Variants in CPNE8 observed in about 807,000 individuals in gnomAD.
CPNE8 encodes the protein copine-8.
In CPNE8, 45 loss-of-function variants were observed where a neutral mutation model predicts 81.5. The observed-to-expected ratio is 0.55, with a 90% CI of 0.44 to 0.71. The LOEUF (loss-of-function observed/expected upper bound fraction) is 0.71. CPNE8 is among the 30% of genes least tolerant of loss of function. The pLI is 0.00. For missense variants in CPNE8, 594 were observed against 672.1 expected, an observed-to-expected ratio of 0.88 and a Z score of 1.28; for synonymous variants, 252 against 226.3, an observed-to-expected ratio of 1.11 and a Z score of -1.02.
At chr12:38,796,331 G>A (rs1942472116) in intron 6 of CPNE8, among the ~76,000 whole-genome samples, 1 of 151,802 alleles carries the variant, frequency 6.6e-6, no homozygotes, top group Admixed American at 6.6e-5. Context: ...AAAAGGAAAA[G>A]ACAAAAATAT....
At chr12:38,735,519 T>C (rs558331460) in intron 10 of CPNE8, among the ~76,000 whole-genome samples, 1 of 152,150 alleles carries the variant, frequency 6.6e-6, no homozygotes, top group Non-Finnish European at 1.5e-5. Context: ...CTCTCTGATT[T>C]TGCTAACTTT....
Position 38,837,115 on chromosome 12 carries a change from G to A in CPNE8, c.330+2801C>T, listed in dbSNP as rs545731074. 1.4e-4 allele frequency among the ~76,000 whole-genome samples: 22 copies of A among 152,072 alleles called. No homozygotes were observed. In the South Asian group the frequency reaches 1.7e-3, roughly 11 times the overall value. The stretch of plus-strand genomic sequence containing the variant: ...CCTACAGGAGACGATGCAATATATC[G>A]GTAGAAAAGTAATGAGAATCTGAAC... On this transcript the variant is annotated intron_variant, in intron 5 of 19. Transcript: ENST00000331366.
Position 38,760,925 on chromosome 12 carries a change from GT to G in CPNE8, c.681-38del. On this transcript the variant is annotated intron_variant, in intron 9 of 19. Transcript: ENST00000331366. ...AAAAACATACACATAAAGTTACTTAGTAAGATCAAAATAATGTATGGTTGAG... is the reference window on the plus strand; with the variant it reads ...AAAAACATACACATAAAGTTACTTAGAAGATCAAAATAATGTATGGTTGAG... 2.8e-6 allele frequency: 4 copies of G among 1,448,976 alleles called. No individual in the cohort carries two copies. In the South Asian group the frequency reaches 3.8e-5, roughly 14 times the overall value. The allele number at this position is 1,448,976 out of a possible 1,614,324, so 89.8% of individuals were successfully genotyped here.
chr12:38,885,960 C>T (rs1156613596), intron 1 of CPNE8, among the ~76,000 whole-genome samples: 1 of 152,098 alleles, frequency 6.6e-6, no homozygotes. Flanking sequence ...TGGAGGCCTC[C>T]CCAGCTATGC....
chr12:38,785,335 G>C (rs1192190980), intron 6 of CPNE8, among the ~76,000 whole-genome samples: 19 of 151,412 alleles, frequency 1.3e-4, no homozygotes, highest in Non-Finnish European at 5.9e-5. Flanking sequence ...ATCTTAAGTA[G>C]AAAGACTAAA....
At position 38,813,485 on chromosome 12, in the gene CPNE8, T is replaced by G. The variant is rs971694777; in HGVS notation, c.407+15894A>C. 3.3e-5 allele frequency among the ~76,000 whole-genome samples: 5 copies of G among 152,326 alleles called. No individual in the cohort carries two copies. The East Asian group carries it at 9.6e-4, about 29-fold the overall frequency. Reference sequence around the variant, plus strand: ...ATAGAGCGGGAGGAGTTTTGAGGTATAAATGATAAATTCAATTTTGGGGCT... The same window carrying G: ...ATAGAGCGGGAGGAGTTTTGAGGTAGAAATGATAAATTCAATTTTGGGGCT... On this transcript the variant is annotated intron_variant, in intron 6 of 19. Coordinates refer to ENST00000331366, the MANE Select transcript of CPNE8 (RefSeq NM_153634.3).
At chr12:38,823,550 A>C (rs983389348) in intron 6 of CPNE8, among the ~76,000 whole-genome samples, 1 of 152,114 alleles carries the variant, frequency 6.6e-6, no homozygotes, top group Non-Finnish European at 1.5e-5. Flanking sequence ...TGCTGGTACC[A>C]TTACTGCTGG....
Position 38,760,845 on chromosome 12 carries a change from A to G in CPNE8, c.722+2T>C, listed in dbSNP as rs769396334. On this transcript the variant is annotated splice_donor_variant, in intron 10 of 19. Coordinates refer to ENST00000331366, the MANE Select transcript of CPNE8 (RefSeq NM_153634.3). LOFTEE classifies it high-confidence loss of function. Reference sequence around the variant, plus strand: ...AGAGTAAGAAGATAAGAACTGTCTTACCTTCCATCTCGGTCCCAGTCATAC... The same window carrying G: ...AGAGTAAGAAGATAAGAACTGTCTTGCCTTCCATCTCGGTCCCAGTCATAC... The G allele has an allele frequency of 6.3e-7, 1 of 1,594,498 alleles. No individual in the cohort carries two copies. Among genetic ancestry groups the G allele is most frequent in the Non-Finnish European group, 8.5e-7 (1 of 1,171,832 alleles).
chr12:38,840,797 A>G (rs368997005), intron 4 of CPNE8, among the ~76,000 whole-genome samples: 73 of 152,294 alleles, frequency 4.8e-4, no homozygotes, highest in African/African-American at 1.6e-3. Context: ...CAGTTCTTGG[A>G]AAGAGTCTGC....
chr12:38,857,452 T>C (rs1230764033), intron 3 of CPNE8, among the ~76,000 whole-genome samples: 1 of 143,628 alleles, frequency 7.0e-6, no homozygotes. Flanking sequence ...CTAAAAACAC[T>C]GAACTACATT....
chr12:38,783,797 A>T (rs1227058150), intron 6 of CPNE8, among the ~76,000 whole-genome samples: 2 of 152,232 alleles, frequency 1.3e-5, no homozygotes, highest in Non-Finnish European at 2.9e-5. Context: ...AGTCTGCAAG[A>T]ACCACAGCAT....
intron 6 of CPNE8, 48 bp from the exon 7 acceptor site, chr12:38,776,349 AC>A (rs1292631351): frequency 3.4e-6 from 2 of 586,958 alleles, no homozygotes; most frequent in Non-Finnish European, 5.2e-6. Flanking sequence ...TTATATTAAT[AC>A]TATATAATAT....
intron 6 of CPNE8, among the ~76,000 whole-genome samples, chr12:38,806,919 C>G (rs1942821127): frequency 6.6e-6 from 1 of 150,676 alleles, no homozygotes; most frequent in African/African-American, 2.4e-5. Flanking sequence ...GATACAAAAT[C>G]AATGTACAAA....
At chr12:38,880,631 A>G (rs1468641611) in intron 1 of CPNE8, among the ~76,000 whole-genome samples, 1 of 152,148 alleles carries the variant, frequency 6.6e-6, no homozygotes, top group Admixed American at 6.5e-5. Flanking sequence ...TTGTATGTAT[A>G]TATATTTTTT....
intron 19 of CPNE8, among the ~76,000 whole-genome samples, chr12:38,662,709 T>G (rs1164511293): frequency 2.6e-5 from 4 of 152,094 alleles, no homozygotes; most frequent in African/African-American, 9.7e-5. Flanking sequence ...AGAAGAAAGC[T>G]GAAGGTATCA....
intron 3 of CPNE8, among the ~76,000 whole-genome samples, chr12:38,871,268 G>C (rs573958958): frequency 1.1e-4 from 16 of 152,220 alleles, no homozygotes; most frequent in Non-Finnish European, 1.8e-4. Context: ...AAAGTTTCCA[G>C]TTGCCTCATT....
chr12:38,867,339 T>TGAGAGAGAGA (rs367740036), intron 3 of CPNE8, among the ~76,000 whole-genome samples: 1 of 122,096 alleles, frequency 8.2e-6, no homozygotes, highest in Middle Eastern at 4.1e-3. Flanking sequence ...TGTGTGTGTG[T>TGAGAGAGAGA]GAGAGAGAGA....
intron 13 of CPNE8, 63 bp downstream of exon 13, chr12:38,723,709 G>A (rs980891893): frequency 1.1e-5 from 11 of 977,024 alleles, no homozygotes; most frequent in Non-Finnish European, 1.8e-5. Flanking sequence ...CCTCGTGGTA[G>A]CGCTTGTTAC....
At chr12:38,656,434 G>GGAGAT (rs1938820021) in intron 19 of CPNE8, among the ~76,000 whole-genome samples, 1 of 151,432 alleles carries the variant, frequency 6.6e-6, no homozygotes, top group Admixed American at 6.6e-5. Flanking sequence ...TATGGAAAGG[G>GGAGAT]GAGATCTCCC....
Sources: allele counts gnomAD v4.1 joint callset (sites outside exome capture counted in the v4.1 genomes callset), GRCh38; gene constraint gnomAD v4.1.1; transcripts MANE v1.5; gene names NCBI Gene and HGNC (gene_info 2026-07-23, HGNC 2026-07-21).